The following LIPH variants were observed in gnomAD, a reference collection of about 807,000 sequenced individuals.
The protein encoded by LIPH is lipase H.
Under a neutral mutation model 47.6 loss-of-function variants are expected in LIPH, and 32 were observed. The observed-to-expected ratio is 0.67, with a 90% CI of 0.51 to 0.90. The LOEUF (loss-of-function observed/expected upper bound fraction) is 0.90. Ranked by LOEUF, LIPH falls within the 40% of genes least tolerant of loss-of-function variation. The pLI is 0.00. For missense variants in LIPH, 497 were observed against 541.4 expected, an observed-to-expected ratio of 0.92 and a Z score of 0.81; for synonymous variants, 190 against 195.6, an observed-to-expected ratio of 0.97 and a Z score of 0.24.
At chr3:185,546,717 G>C (rs1269910619) in intron 1 of LIPH, among the ~76,000 whole-genome samples, 2 of 152,150 alleles carry the variant, frequency 1.3e-5, no homozygotes, top group African/African-American at 2.4e-5. Context: ...AAGGTGGCTT[G>C]CACCCAGGAA....
intron 3 of LIPH, among the ~76,000 whole-genome samples, chr3:185,529,041 G>T (rs1389918457): frequency 6.6e-6 from 1 of 150,510 alleles, no homozygotes; most frequent in Non-Finnish European, 1.5e-5. Context: ...GCTGGGTGTG[G>T]TGGCACGTGC....
At chr3:185,549,839 T>A (rs1291001154) in intron 1 of LIPH, among the ~76,000 whole-genome samples, 1 of 152,124 alleles carries the variant, frequency 6.6e-6, no homozygotes, top group Non-Finnish European at 1.5e-5. Flanking sequence ...GGACTACAGA[T>A]GTGAGCCCCT....
At chr3:185,539,580 A>G (rs1720637869) in intron 1 of LIPH, among the ~76,000 whole-genome samples, 2 of 151,530 alleles carry the variant, frequency 1.3e-5, no homozygotes, top group South Asian at 4.2e-4. Context: ...CTTGTTGGCC[A>G]GGCTGGTCTC....
intron 1 of LIPH, among the ~76,000 whole-genome samples, chr3:185,550,337 T>A (rs1379494424): frequency 6.6e-6 from 1 of 152,336 alleles, no homozygotes; most frequent in South Asian, 2.1e-4. Flanking sequence ...CTCTGTCTGC[T>A]GAGATTCTAT....
chr3:185,527,924 CA>C (rs1720163172), intron 3 of LIPH, among the ~76,000 whole-genome samples: 1 of 150,958 alleles, frequency 6.6e-6, no homozygotes, highest in South Asian at 2.1e-4. Flanking sequence ...CCAAAGGGCA[CA>C]TTAAAGAGAA....
intron 4 of LIPH, 125 bp from the exon 5 acceptor site, chr3:185,524,285 G>GT (rs1719996975): frequency 1.5e-6 from 1 of 687,538 alleles, no homozygotes; most frequent in Non-Finnish European, 2.6e-6. Context: ...TTATACCTAT[G>GT]TAAGAGTTTT....
rs201629647 is a variant in LIPH, at chr3:185,534,935, A to T, written c.247T>A (p.Ser83Thr). 126 of 1,613,580 alleles carry T rather than the reference A, an allele frequency of 7.8e-5. No individual in the cohort carries two copies. The highest frequency in any genetic ancestry group is 9.1e-5 in the Non-Finnish European group (107 of 1,179,614). Residue 83 changes from serine (S) to threonine (T), a missense_variant, in exon 2 of 10, where the codon TCC (serine) becomes ACC (threonine). By Grantham distance (58) the Ser-to-Thr change is moderately conservative. Transcript: ENST00000296252. ...FIVHGFRPTGSPPVWMDDLVK... is the reference protein window; with the variant it reads ...FIVHGFRPTGTPPVWMDDLVK... ...AAGTCATCCATCCAAACAGGAGGGG[A>T]GCCTGTTGGCCTGAATCCATGGACA...
intron 4 of LIPH, among the ~76,000 whole-genome samples, chr3:185,526,710 A>G (rs1232907769): frequency 2.0e-5 from 3 of 146,904 alleles, no homozygotes; most frequent in Non-Finnish European, 3.0e-5. Context: ...AATAAAATAA[A>G]TAAAATAAAA....
At chr3:185,509,584 C>T (rs776928790) in intron 9 of LIPH, among the ~76,000 whole-genome samples, 34 of 152,038 alleles carry the variant, frequency 2.2e-4, no homozygotes, top group African/African-American at 7.0e-4. Flanking sequence ...GAGCCAAGAA[C>T]GCGCTACTAC....
In LIPH at chr3:185,527,490, T is replaced by C. The variant is rs1247188931; in HGVS notation, c.622A>G (p.Thr208Ala). The change falls in exon 4 of 10, where the codon ACT becomes GCT. Residue 208 changes from threonine (T) to alanine (A), a missense_variant. Transcript: ENST00000296252. ...AQFVDVIHSDTDALGYKEPLG... is the reference protein window; with the variant it reads ...AQFVDVIHSDADALGYKEPLG... ...ACAAGGAAAGGAGCGTTACCATCAG[T>C]GTCGGAATGGATGACATCAACAAAC... The C allele has an allele frequency of 6.2e-7, 1 of 1,608,562 alleles. No homozygotes were observed. Among genetic ancestry groups the C allele is most frequent in the Non-Finnish European group, 8.5e-7 (1 of 1,175,740 alleles).
At chr3:185,522,662 G>GAAAGA (rs1553821812) in intron 5 of LIPH, among the ~76,000 whole-genome samples, 2 of 24,236 alleles carry the variant, frequency 8.3e-5, no homozygotes, top group South Asian at 2.7e-3. Flanking sequence ...AAGAAAGAAA[G>GAAAGA]AAAGAAAGAA....
intron 4 of LIPH, among the ~76,000 whole-genome samples, chr3:185,526,115 A>T (rs562178978): frequency 6.6e-6 from 1 of 152,320 alleles, no homozygotes; most frequent in Admixed American, 6.5e-5. Flanking sequence ...ACAGTGGCTC[A>T]AGCCTGTAAT....
At chr3:185,548,099 C>T (rs1240076729) in intron 1 of LIPH, among the ~76,000 whole-genome samples, 1 of 152,088 alleles carries the variant, frequency 6.6e-6, no homozygotes, top group Non-Finnish European at 1.5e-5. Context: ...GAAACTTTGC[C>T]TTCCTCGTAT....
chr3:185,550,633 G>A (rs752832141), intron 1 of LIPH, among the ~76,000 whole-genome samples: 2 of 151,934 alleles, frequency 1.3e-5, no homozygotes, highest in African/African-American at 2.4e-5. Context: ...GCAGAGGCAC[G>A]ATCTTGGCTC....
chr3:185,527,230 C>T (rs1262096177), intron 4 of LIPH, among the ~76,000 whole-genome samples: 1 of 151,984 alleles, frequency 6.6e-6, no homozygotes, highest in Non-Finnish European at 1.5e-5. Flanking sequence ...CAGAGCGAGA[C>T]TCTGTCTCAA....
intron 3 of LIPH, among the ~76,000 whole-genome samples, chr3:185,528,873 A>G (rs9873240): frequency 6.6e-6 from 1 of 152,216 alleles, no homozygotes; most frequent in East Asian, 1.9e-4. Flanking sequence ...TTAAACAACA[A>G]CAAGAAAAAG....
At chr3:185,534,507 T>C (rs1295142107) in intron 2 of LIPH, among the ~76,000 whole-genome samples, 1 of 152,188 alleles carries the variant, frequency 6.6e-6, no homozygotes, top group Non-Finnish European at 1.5e-5. Flanking sequence ...AAATTTATCA[T>C]AATAAATATA....
chr3:185,511,819 C>CT (rs78253030), intron 8 of LIPH, 122 bp from the exon 9 acceptor site: 87,725 of 515,006 alleles, frequency 0.17, 36 homozygotes, highest in South Asian at 0.23. Flanking sequence ...CACCAGCTGA[C>CT]TTTTTTTTTT....
Position 185,552,448 on chromosome 3 carries a change from GATGA to G in LIPH, c.20_23del (p.Phe7SerfsTer21). ...CTGATCTTGACAAGCACAACAAACT[GATGA>G]ATAAGTAGAATCTCAACATATGGAA... is the stretch of plus-strand genomic sequence containing the variant. On this transcript the variant is annotated frameshift_variant, in exon 1 of 10. Coordinates refer to ENST00000296252, the MANE Select transcript of LIPH (RefSeq NM_139248.3). The G allele has an allele frequency of 6.2e-7, 1 of 1,608,958 alleles. No individual in the cohort carries two copies. The highest frequency in any genetic ancestry group is 8.5e-7 in the Non-Finnish European group (1 of 1,175,366).
Sources: allele counts gnomAD v4.1 joint callset (sites outside exome capture counted in the v4.1 genomes callset), GRCh38; gene constraint gnomAD v4.1.1; transcripts MANE v1.5; gene names NCBI Gene and HGNC (gene_info 2026-07-23, HGNC 2026-07-21).